Variants in USP42 observed in about 807,000 individuals in gnomAD.
USP42 encodes ubiquitin specific peptidase 42.
In USP42, 23 loss-of-function variants were observed where a neutral mutation model predicts 113.0. That is an observed-to-expected ratio of 0.20 (90% CI 0.15 to 0.29). The LOEUF is 0.29. USP42 is among the 10% of genes least tolerant of loss of function. The pLI is 1.00. For missense variants in USP42, 2,174 were observed against 1,779.8 expected (o/e 1.22, Z -3.99); for synonymous variants, 933 against 699.0 (o/e 1.33, Z -5.28).
intron 3 of USP42, among the ~76,000 whole-genome samples, chr7:6,131,345 C>T (rs1033511083): frequency 1.3e-5 from 2 of 151,992 alleles, no homozygotes; most frequent in African/African-American, 4.8e-5. Flanking sequence ...TATGGTGGTG[C>T]ATGCCTGTAA....
At chr7:6,106,431 T>C (rs1779281574) in intron 1 of USP42, among the ~76,000 whole-genome samples, 1 of 152,212 alleles carries the variant, frequency 6.6e-6, no homozygotes, top group African/African-American at 2.4e-5. Flanking sequence ...AATAATGCAT[T>C]CTAGCATTTG....
chr7:6,122,132 G>A (rs900132925), intron 3 of USP42, among the ~76,000 whole-genome samples: 2 of 152,104 alleles, frequency 1.3e-5, no homozygotes, highest in African/African-American at 4.8e-5. Context: ...TGGATTTAAT[G>A]TGCTCTGTTC....
chr7:6,150,100 A>G lies in USP42; in HGVS notation c.1904A>G (p.His635Arg), dbSNP rs10245352. Residue 635 changes from histidine (H) to arginine (R), a missense_variant, in exon 13 of 18, where the codon CAC (histidine) becomes CGC (arginine). His to Arg is a conservative substitution (Grantham distance 29). Coordinates refer to ENST00000306177, the MANE Select transcript of USP42 (RefSeq NM_032172.3). ...GGGATTGGTACGATTGTGAGCTCCC[A>G]CTCTCCCGGCCAAGATGCCGAAGAT... ...ENGIGTIVSSHSPGQDAEDEE... is the reference protein window; with the variant it reads ...ENGIGTIVSSRSPGQDAEDEE... The G allele has an allele frequency of 5.0e-6, 8 of 1,610,946 alleles. No individual in the cohort carries two copies. Among genetic ancestry groups the G allele is most frequent in the Non-Finnish European group, 5.9e-6 (7 of 1,178,636 alleles).
chr7:6,133,810 G>A (rs570400853), intron 3 of USP42, among the ~76,000 whole-genome samples: 2 of 151,806 alleles, frequency 1.3e-5, no homozygotes, highest in Non-Finnish European at 2.9e-5. Context: ...GTAAGCCACC[G>A]CACCTGGTGC....
intron 3 of USP42, among the ~76,000 whole-genome samples, chr7:6,130,726 G>A (rs1400916000): frequency 6.6e-6 from 1 of 152,112 alleles, no homozygotes; most frequent in Non-Finnish European, 1.5e-5. Context: ...AATGTCTTTT[G>A]TATTCTTTTA....
At position 6,159,820 on chromosome 7, in the gene USP42, A is replaced by G. The variant is rs1212083849; in HGVS notation, c.*36+327A>G. On this transcript the variant is annotated intron_variant, in intron 17 of 17. Transcript: ENST00000306177. The surrounding 1 kb of genome is among the most constrained non-coding windows in gnomAD (Gnocchi z 4.1). ...GGCAGAGCCCACGGGCCTTTGATAA[A>G]CATCTGGGAAGGGAGAGGCCCGGTC... Among the ~76,000 whole-genome samples, 1 of 152,220 alleles carries G rather than the reference A, an allele frequency of 6.6e-6. No individual in the cohort carries two copies. Among genetic ancestry groups the G allele is most frequent in the Non-Finnish European group, 1.5e-5 (1 of 68,026 alleles).
rs1300462727 is a variant in USP42 at position 6,158,279 on chromosome 7, G to A, written c.3944-1171G>A. Among the ~76,000 whole-genome samples, 2 of 152,346 alleles carry A rather than the reference G, an allele frequency of 1.3e-5. No individual in the cohort carries two copies. The highest frequency in any genetic ancestry group is 2.9e-5 in the Non-Finnish European group (2 of 68,036). On this transcript the variant is annotated intron_variant, in intron 16 of 17. Transcript: ENST00000306177. This position sits in a 1 kb window ranked among gnomAD's most constrained non-coding sequence, Gnocchi z 4.2. ...GGCTGCGGCAGGGCAGGGACCGTGT[G>A]GCTCGCAAAGCGGAAAATGTTTATT... is the stretch of plus-strand genomic sequence containing the variant.
chr7:6,103,498 T>G (rs1168189782), upstream of USP42, among the ~76,000 whole-genome samples: 2 of 143,510 alleles, frequency 1.4e-5, no homozygotes, highest in African/African-American at 2.7e-5. Context: ...GCCTGGGCCA[T>G]AAGAGCAAAC....
In USP42 at chr7:6,154,884, G is replaced by T; in HGVS notation, c.3330G>T (p.Glu1110Asp). 6.5e-7 allele frequency: 1 copy of T among 1,535,214 alleles called. No individual in the cohort carries two copies. The change falls in exon 15 of 18, where the codon GAG (glutamate) becomes GAT (aspartate). Residue 1110 changes from glutamate (E) to aspartate (D), a missense_variant. Glu to Asp is a conservative substitution (Grantham distance 45). Coordinates refer to ENST00000306177, the MANE Select transcript of USP42 (RefSeq NM_032172.3). ...GCTGCGAGCCGGCCCGGGAGAGGGAGCGGCACCGCCCCAGCAGCCCCCGCG... is the reference window on the plus strand; with the variant it reads ...GCTGCGAGCCGGCCCGGGAGAGGGATCGGCACCGCCCCAGCAGCCCCCGCG... ...RRGCEPARER[E>D]RHRPSSPRAG... is the part of the protein sequence containing the mutation.
chr7:6,156,333 G>A (rs1782443482), intron 15 of USP42, among the ~76,000 whole-genome samples: 2 of 152,212 alleles, frequency 1.3e-5, no homozygotes, highest in Admixed American at 6.5e-5. Context: ...CCTCCCTGCA[G>A]TGTTTGTCCA....
At chr7:6,104,677 C>G (rs61753115), upstream of USP42, among the ~76,000 whole-genome samples, 1 of 152,118 alleles carries the variant, frequency 6.6e-6, no homozygotes. Flanking sequence ...CGCAGACGCG[C>G]GACCAGCCCA....
the USP42 span, among the ~76,000 whole-genome samples, chr7:6,089,454 A>G: frequency 6.7e-6 from 1 of 150,302 alleles, no homozygotes; most frequent in African/African-American, 2.5e-5. Flanking sequence ...AATTTTAAAA[A>G]CGTAATACAT....
At chr7:6,085,619 TA>T in the USP42 span, among the ~76,000 whole-genome samples, 484 of 133,902 alleles carry the variant, frequency 3.6e-3, 13 homozygotes, top group South Asian at 6.5e-3. Flanking sequence ...TATATATATA[TA>T]TATATTTTTT....
the USP42 span, among the ~76,000 whole-genome samples, chr7:6,083,288 C>T: frequency 2.7e-5 from 4 of 146,888 alleles, no homozygotes; most frequent in South Asian, 2.1e-4. Context: ...TACAGTCTAG[C>T]GCTGTGGCCC....
chr7:6,088,029 G>A, the USP42 span, among the ~76,000 whole-genome samples: 8 of 151,046 alleles, frequency 5.3e-5, no homozygotes, highest in South Asian at 4.1e-4. Context: ...GACAGGCATG[G>A]TGGCTCATAC....
In USP42 at chr7:6,136,169, T is replaced by G. The variant is rs140802900; in HGVS notation, c.553+218T>G. Among the ~76,000 whole-genome samples the G allele has an allele frequency of 1.7e-3, 262 of 152,164 alleles. 5 individuals are homozygous for G. The highest frequency in any genetic ancestry group is 6.8e-3 in the Middle Eastern group (2 of 294). On this transcript the variant is annotated intron_variant, in intron 4 of 17. Transcript: ENST00000306177. ...ACAGGCGTGTACCACTATGCCAGGC[T>G]AATTTTGTACTTTTAGTACAGATGG...
At position 6,139,414 on chromosome 7, in the gene USP42, A is replaced by G. The variant is rs916437730; in HGVS notation, c.656+220A>G. ...CGTAACAGTTTGAGTTGGCTCAATC[A>G]TAGATGTCAGGAAATAAACATTGGT... On this transcript the variant is annotated intron_variant, in intron 5 of 17. Coordinates refer to ENST00000306177, the MANE Select transcript of USP42 (RefSeq NM_032172.3). This position sits in a 1 kb window ranked among gnomAD's most constrained non-coding sequence, Gnocchi z 4.5. 5 of 425,824 alleles carry G rather than the reference A, an allele frequency of 1.2e-5. No individual in the cohort carries two copies. The South Asian group carries it at 1.4e-4, about 12-fold the overall frequency. The allele number at this position is 425,824 out of a possible 1,614,324, so 26.4% of individuals were successfully genotyped here.
At chr7:6,136,849 G>T (rs1781178854) in intron 4 of USP42, among the ~76,000 whole-genome samples, 5 of 139,656 alleles carry the variant, frequency 3.6e-5, no homozygotes, top group Admixed American at 2.3e-4. Flanking sequence ...TCACTGTTTT[G>T]CCCAGGCTAG....
upstream of USP42, among the ~76,000 whole-genome samples, chr7:6,100,814 G>A (rs1033879057): frequency 3.3e-5 from 5 of 149,562 alleles, no homozygotes; most frequent in African/African-American, 1.0e-4. Flanking sequence ...TTATAGGCGC[G>A]CGCTACCACA....
Sources: allele counts gnomAD v4.1 joint callset (sites outside exome capture counted in the v4.1 genomes callset), GRCh38; gene constraint gnomAD v4.1.1; non-coding constraint Gnocchi (gnomAD v3.1); transcripts MANE v1.5; gene names NCBI Gene and HGNC (gene_info 2026-07-23, HGNC 2026-07-21).